Variants in KIF26B observed in about 807,000 individuals in gnomAD.
KIF26B encodes the protein kinesin-like protein KIF26B.
In KIF26B, 63 loss-of-function variants were observed where a neutral mutation model predicts 151.2. The ratio of observed to expected loss-of-function variants is 0.42; its 90% CI spans 0.34 to 0.51. The LOEUF is 0.51. Ranked by LOEUF, KIF26B falls within the 20% of genes least tolerant of loss-of-function variation. The pLI is 0.07. For missense variants in KIF26B, 2,813 were observed against 2,913.6 expected (o/e 0.97, Z 0.79); for synonymous variants, 1,357 against 1,262.1 (o/e 1.08, Z -1.59).
At chr1:245,497,148 CA>C (rs1462975604) in intron 4 of KIF26B, among the ~76,000 whole-genome samples, 1 of 130,282 alleles carries the variant, frequency 7.7e-6, no homozygotes, top group Non-Finnish European at 1.6e-5. Context: ...GGTGAAACTC[CA>C]TCTCAAAAAA....
chr1:245,391,500 G>C (rs1275383297), intron 3 of KIF26B, among the ~76,000 whole-genome samples: 3 of 152,014 alleles, frequency 2.0e-5, no homozygotes, highest in Admixed American at 1.3e-4. Context: ...ACTCATTAAA[G>C]AGATTTGTGG....
intron 3 of KIF26B, among the ~76,000 whole-genome samples, chr1:245,380,260 A>T (rs1400528784): frequency 6.6e-6 from 1 of 152,182 alleles, no homozygotes; most frequent in Non-Finnish European, 1.5e-5. Context: ...ATATCCCTCC[A>T]TTGCTCATCT....
rs1454332233 is a variant in KIF26B at position 245,540,365 on chromosome 1, T to G, written c.1167-402T>G. Among the ~76,000 whole-genome samples the G allele has an allele frequency of 2.0e-5, 3 of 152,150 alleles. No homozygotes were observed. The highest frequency in any genetic ancestry group is 7.2e-5 in the African/African-American group (3 of 41,426). On this transcript the variant is annotated intron_variant, in intron 4 of 14. Transcript: ENST00000407071. This position sits in a 1 kb window ranked among gnomAD's most constrained non-coding sequence, Gnocchi z 4.6. ...AGACTGGTTTGGATTTTACAAGGTG[T>G]TAGAGTTTTTAAATTAGCTCATGAG...
At chr1:245,568,619 T>C (rs1190835678) in intron 5 of KIF26B, among the ~76,000 whole-genome samples, 2 of 152,234 alleles carry the variant, frequency 1.3e-5, no homozygotes, top group African/African-American at 4.8e-5. Flanking sequence ...TAGCGGTTTA[T>C]TGCTGGTCCG....
chr1:245,286,205 A>C (rs1346839690), intron 2 of KIF26B, among the ~76,000 whole-genome samples: 1 of 151,952 alleles, frequency 6.6e-6, no homozygotes, highest in Non-Finnish European at 1.5e-5. Flanking sequence ...ACCTGTGGAT[A>C]ACCTGTGGCC....
chr1:245,437,101 G>A (rs1040287991), intron 4 of KIF26B, among the ~76,000 whole-genome samples: 3 of 152,114 alleles, frequency 2.0e-5, no homozygotes, highest in African/African-American at 7.2e-5. Flanking sequence ...TGCCCAGGCT[G>A]GTCTCAAACT....
intron 9 of KIF26B, among the ~76,000 whole-genome samples, chr1:245,634,249 A>G (rs2043811528): frequency 1.3e-5 from 2 of 152,136 alleles, no homozygotes; most frequent in East Asian, 3.8e-4. Flanking sequence ...CATCCATTAG[A>G]TTTTTCTATA....
intron 5 of KIF26B, among the ~76,000 whole-genome samples, chr1:245,585,825 G>A (rs2043218453): frequency 6.6e-6 from 1 of 152,046 alleles, no homozygotes; most frequent in African/African-American, 2.4e-5. Context: ...CAATCACATG[G>A]CTGCTACTAG....
chr1:245,612,245 G>A (rs2043535675), intron 9 of KIF26B, among the ~76,000 whole-genome samples: 1 of 152,042 alleles, frequency 6.6e-6, no homozygotes, highest in East Asian at 1.9e-4. Context: ...AAGTAGCTTG[G>A]GACTACAGGC....
At chr1:245,263,054 C>A (rs552163414) in intron 2 of KIF26B, among the ~76,000 whole-genome samples, 4 of 152,176 alleles carry the variant, frequency 2.6e-5, no homozygotes, top group Non-Finnish European at 5.9e-5. Flanking sequence ...TGATTCATGG[C>A]GGGGTGCAGT....
intron 2 of KIF26B, among the ~76,000 whole-genome samples, chr1:245,183,930 C>T (rs1668949088): frequency 6.6e-6 from 1 of 151,858 alleles, no homozygotes; most frequent in Admixed American, 6.6e-5. Flanking sequence ...TGTTGGGGTA[C>T]TGTCATATAG....
At chr1:245,178,860 G>A (rs6662085) in intron 2 of KIF26B, among the ~76,000 whole-genome samples, 31,480 of 152,036 alleles carry the variant, frequency 0.21, 4,382 homozygotes, top group East Asian at 0.4. Context: ...CGGCTCTACA[G>A]CCATCCGAGC....
At chr1:245,366,789 T>C in intron 2 of KIF26B, 45 bp from the exon 3 acceptor site, 1 of 1,589,882 alleles carries the variant, frequency 6.3e-7, no homozygotes, top group Non-Finnish European at 8.6e-7. Context: ...ACTAGCAGCC[T>C]TGGAGTTATA....
At chr1:245,574,570 C>T (rs2043097340) in intron 5 of KIF26B, among the ~76,000 whole-genome samples, 1 of 152,184 alleles carries the variant, frequency 6.6e-6, no homozygotes, top group South Asian at 2.1e-4. Context: ...GGGCCGGTGT[C>T]TCCCCTGGAA....
At chr1:245,578,451 G>A (rs1275341617) in intron 5 of KIF26B, among the ~76,000 whole-genome samples, 1 of 152,232 alleles carries the variant, frequency 6.6e-6, no homozygotes, top group Admixed American at 6.5e-5. Flanking sequence ...GCTCCCTTCT[G>A]TCTTTCCCTT....
rs199535536 is a variant in KIF26B, at chr1:245,701,965, C to CTT, written c.6179-489_6179-488dup. On this transcript the variant is annotated intron_variant, in intron 14 of 14. Coordinates refer to ENST00000407071, the MANE Select transcript of KIF26B (RefSeq NM_018012.4). ...CTCTTCAGGCCTGGAATGATACAGA[C>CTT]TTTTTACTCTGTGCAGGCCTGAACA... Among the ~76,000 whole-genome samples, 932 of 152,334 alleles carry CTT rather than the reference C, an allele frequency of 6.1e-3. 5 individuals are homozygous for CTT. Among genetic ancestry groups the CTT allele is most frequent in the Middle Eastern group, 0.024 (7 of 294 alleles).
rs552844754 is a variant in KIF26B, at chr1:245,444,589, A to C, written c.1166+24844A>C. 5.9e-5 allele frequency among the ~76,000 whole-genome samples: 9 copies of C among 152,366 alleles called. No homozygotes were observed. The South Asian group carries it at 1.9e-3, about 32-fold the overall frequency. ...CCTGAATTCTAGAGGTGGTGTTTTCATCACTGAGTTCAGATGCCTTTGATT... is the reference window on the plus strand; with the variant it reads ...CCTGAATTCTAGAGGTGGTGTTTTCCTCACTGAGTTCAGATGCCTTTGATT... On this transcript the variant is annotated intron_variant, in intron 4 of 14. Coordinates refer to ENST00000407071, the MANE Select transcript of KIF26B (RefSeq NM_018012.4).
rs575413483 is a variant in KIF26B, at chr1:245,516,101, C to T, written c.1167-24666C>T. Reference sequence around the variant, plus strand: ...TGCTTCTCCCCTGAGTTTGTTTTCACGGTGGGACTATCCAGGACTAAAGAG... The same window carrying T: ...TGCTTCTCCCCTGAGTTTGTTTTCATGGTGGGACTATCCAGGACTAAAGAG... On this transcript the variant is annotated intron_variant, in intron 4 of 14. Coordinates refer to ENST00000407071, the MANE Select transcript of KIF26B (RefSeq NM_018012.4). The surrounding 1 kb of genome is among the most constrained non-coding windows in gnomAD (Gnocchi z 4.2). Among the ~76,000 whole-genome samples the T allele has an allele frequency of 1.2e-4, 19 of 152,206 alleles. No homozygotes were observed. Among genetic ancestry groups the T allele is most frequent in the Non-Finnish European group, 2.5e-4 (17 of 68,004 alleles).
rs1047167285 is a variant in KIF26B at position 245,522,014 on chromosome 1, C to T, written c.1167-18753C>T. 5.9e-5 allele frequency among the ~76,000 whole-genome samples: 9 copies of T among 151,752 alleles called. No homozygotes were observed. In the East Asian group the frequency reaches 7.7e-4, roughly 13 times the overall value. On this transcript the variant is annotated intron_variant, in intron 4 of 14. Coordinates refer to ENST00000407071, the MANE Select transcript of KIF26B (RefSeq NM_018012.4). ...CCTCCCAAGTAGCTGGGACTACAGGCACCCGCCACCATGCCCGGCTAATTT... is the reference window on the plus strand; with the variant it reads ...CCTCCCAAGTAGCTGGGACTACAGGTACCCGCCACCATGCCCGGCTAATTT...
Sources: gnomAD v4.1 joint callset for allele counts (sites outside exome capture counted in the v4.1 genomes callset) on GRCh38, gnomAD v4.1.1 for gene constraint, Gnocchi (gnomAD v3.1) non-coding constraint, MANE v1.5 for transcripts, NCBI Gene and HGNC (gene_info 2026-07-23, HGNC 2026-07-21) for gene names.